Variants in NLGN1 observed in about 807,000 individuals in gnomAD.
NLGN1 encodes neuroligin-1.
In NLGN1, 12 loss-of-function variants were observed where a neutral mutation model predicts 65.5. That is an observed-to-expected ratio of 0.18 (90% confidence interval 0.12 to 0.30). The LOEUF (loss-of-function observed/expected upper bound fraction) is 0.30. Ranked by LOEUF, NLGN1 falls within the 10% of genes least tolerant of loss-of-function variation. The probability of loss-of-function intolerance (pLI) is 1.00; values close to 1 mark genes in which losing one functional copy is unlikely to be tolerated. For missense variants in NLGN1, 750 were observed against 1,007.1 expected (o/e 0.74, Z 3.46); for synonymous variants, 350 against 359.5 (o/e 0.97, Z 0.30).
chr3:174,044,674 A>G (rs188583133), intron 4 of NLGN1, among the ~76,000 whole-genome samples: 91 of 152,194 alleles, frequency 6.0e-4, no homozygotes, highest in Admixed American at 3.3e-3. Flanking sequence ...GGAAGTTCCA[A>G]ACTTTCCCAT....
chr3:173,721,844 G>A (rs1770881135), intron 3 of NLGN1, among the ~76,000 whole-genome samples: 2 of 151,772 alleles, frequency 1.3e-5, no homozygotes, highest in South Asian at 2.1e-4. Context: ...AATGAATTGG[G>A]AAAGTGGCCC....
chr3:174,290,204 G>T (rs147998830), downstream of NLGN1, among the ~76,000 whole-genome samples: 407 of 150,792 alleles, frequency 2.7e-3, 2 homozygotes, highest in Middle Eastern at 0.024. Context: ...AGAATCAGCA[G>T]CAAAGACTTT....
chr3:174,243,598 T>C (rs986085906), intron 4 of NLGN1, among the ~76,000 whole-genome samples: 1 of 148,110 alleles, frequency 6.8e-6, no homozygotes, highest in African/African-American at 2.6e-5. Context: ...TTTATACATT[T>C]CTAATATTTT....
At chr3:173,703,249 A>G (rs1767530557) in intron 3 of NLGN1, among the ~76,000 whole-genome samples, 1 of 152,198 alleles carries the variant, frequency 6.6e-6, no homozygotes, top group African/African-American at 2.4e-5. Context: ...GTGAAAGAAC[A>G]AATCTTTTCT....
chr3:174,103,568 A>G (rs1054942201), intron 4 of NLGN1, among the ~76,000 whole-genome samples: 1 of 152,106 alleles, frequency 6.6e-6, no homozygotes, highest in Non-Finnish European at 1.5e-5. Context: ...GACAGGTATT[A>G]ATATGCCATT....
intron 2 of NLGN1, among the ~76,000 whole-genome samples, chr3:173,495,818 T>C (rs1321663924): frequency 6.6e-6 from 1 of 151,602 alleles, no homozygotes; most frequent in African/African-American, 2.4e-5. Flanking sequence ...CAGTAAATCT[T>C]CACCCTATCC....
At chr3:174,051,182 G>C (rs866097062) in intron 4 of NLGN1, among the ~76,000 whole-genome samples, 8 of 152,088 alleles carry the variant, frequency 5.3e-5, no homozygotes, top group Middle Eastern at 3.4e-3. Context: ...CTGGGACTCA[G>C]GGAGATAAAG....
At chr3:173,495,680 G>GAAAA (rs5854510) in intron 2 of NLGN1, among the ~76,000 whole-genome samples, 41 of 130,320 alleles carry the variant, frequency 3.1e-4, no homozygotes, top group East Asian at 4.6e-4. Flanking sequence ...AGTCTTTTTT[G>GAAAA]AAAAAAAAAA....
intron 1 of NLGN1, among the ~76,000 whole-genome samples, chr3:173,411,407 C>T (rs1002147976): frequency 8.5e-5 from 13 of 152,298 alleles, no homozygotes; most frequent in African/African-American, 1.4e-4. Context: ...CTGGAGCCCT[C>T]GGTTGCCACT....
At chr3:174,138,479 G>T (rs562241490) in intron 4 of NLGN1, among the ~76,000 whole-genome samples, 1 of 145,640 alleles carries the variant, frequency 6.9e-6, no homozygotes, top group East Asian at 2.0e-4. Flanking sequence ...CCGTCGCCGA[G>T]GCTGGAGTGT....
chr3:174,282,096 G>A (rs1206061636), exon 7 of NLGN1: 1 of 152,180 alleles, frequency 6.6e-6, no homozygotes, highest in Non-Finnish European at 1.5e-5. Flanking sequence ...CAATATAGAA[G>A]GAATTAGCTA....
chr3:173,829,290 G>T (rs772291332), intron 4 of NLGN1, among the ~76,000 whole-genome samples: 19 of 152,100 alleles, frequency 1.2e-4, no homozygotes, highest in Non-Finnish European at 2.4e-4. Flanking sequence ...TCAAACTGGA[G>T]TTATCTATTT....
intron 4 of NLGN1, among the ~76,000 whole-genome samples, chr3:173,927,091 T>C (rs901883206): frequency 6.6e-6 from 1 of 152,182 alleles, no homozygotes; most frequent in African/African-American, 2.4e-5. Context: ...GAAATGGAGT[T>C]TCACTCTTGT....
intron 4 of NLGN1, among the ~76,000 whole-genome samples, chr3:173,899,973 A>G (rs567338361): frequency 6.6e-6 from 1 of 152,132 alleles, no homozygotes; most frequent in Admixed American, 6.6e-5. Flanking sequence ...AACTGAGTTC[A>G]TAAGAGATAA....
At chr3:174,175,134 G>A (rs1310839982) in intron 4 of NLGN1, among the ~76,000 whole-genome samples, 8 of 151,792 alleles carry the variant, frequency 5.3e-5, no homozygotes, top group African/African-American at 1.7e-4. Context: ...GCTTTTGAAG[G>A]AATATCTATT....
chr3:173,489,156 A>T (rs1475046906), intron 2 of NLGN1, among the ~76,000 whole-genome samples: 3 of 151,790 alleles, frequency 2.0e-5, no homozygotes, highest in Admixed American at 1.3e-4. Context: ...ACATATGTAT[A>T]CATGTGCCAT....
At chr3:173,479,234 T>C (rs1340490674) in intron 2 of NLGN1, among the ~76,000 whole-genome samples, 1 of 152,078 alleles carries the variant, frequency 6.6e-6, no homozygotes, top group East Asian at 1.9e-4. Context: ...GCATGAGAAC[T>C]AGAATACAGG....
intron 4 of NLGN1, among the ~76,000 whole-genome samples, chr3:174,032,639 T>G (rs569508120): frequency 5.9e-5 from 9 of 152,186 alleles, no homozygotes; most frequent in African/African-American, 1.4e-4. Context: ...AGCCCCACAC[T>G]CTCATGGGCT....
At chr3:174,076,110 A>T (rs1053749616) in intron 4 of NLGN1, among the ~76,000 whole-genome samples, 12 of 152,162 alleles carry the variant, frequency 7.9e-5, no homozygotes, top group African/African-American at 2.9e-4. Flanking sequence ...TGTGTCCAAA[A>T]TTTGACCAGT....
Sources: allele counts gnomAD v4.1 joint callset (sites outside exome capture counted in the v4.1 genomes callset), GRCh38; gene constraint gnomAD v4.1.1; transcripts MANE v1.5; gene names NCBI Gene and HGNC (gene_info 2026-07-23, HGNC 2026-07-21).